Variants in CERS6 observed in about 807,000 individuals in gnomAD.
CERS6 encodes the protein LAG1 homolog, ceramide synthase 6.
A neutral mutation model predicts 56.8 loss-of-function variants in CERS6; 26 were observed. The observed-to-expected ratio is 0.46, with a 90% CI of 0.34 to 0.63. The LOEUF (loss-of-function observed/expected upper bound fraction) is 0.63. CERS6 is among the 30% of genes least tolerant of loss of function. The probability of loss-of-function intolerance (pLI) is 0.01; values close to 1 mark genes in which losing one functional copy is unlikely to be tolerated. For synonymous variants in CERS6, 164 were observed against 173.3 expected (o/e 0.95, Z 0.42); for missense variants, 415 against 467.5 (o/e 0.89, Z 1.04).
At chr2:168,669,135 T>A (rs1390950178) in intron 4 of CERS6, among the ~76,000 whole-genome samples, 1 of 152,204 alleles carries the variant, frequency 6.6e-6, no homozygotes. Context: ...ATATGATGGT[T>A]CCATTATGTT....
At chr2:168,638,940 G>A (rs145380628) in intron 4 of CERS6, among the ~76,000 whole-genome samples, 2 of 152,046 alleles carry the variant, frequency 1.3e-5, no homozygotes, top group Non-Finnish European at 2.9e-5. Context: ...TTGCTCTTTT[G>A]TAATTATACA....
At chr2:168,737,490 G>A (rs1266707020) in intron 8 of CERS6, among the ~76,000 whole-genome samples, 2 of 152,150 alleles carry the variant, frequency 1.3e-5, no homozygotes, top group Admixed American at 1.3e-4. Flanking sequence ...GGGGTGATGT[G>A]AAATTATAAA....
chr2:168,756,970 G>A (rs1684430871), intron 8 of CERS6, among the ~76,000 whole-genome samples: 1 of 152,124 alleles, frequency 6.6e-6, no homozygotes, highest in African/African-American at 2.4e-5. Flanking sequence ...CAAAACCTAA[G>A]CGCAGTTCCT....
chr2:168,467,327 C>T (rs1693898882), intron 1 of CERS6, among the ~76,000 whole-genome samples: 1 of 152,156 alleles, frequency 6.6e-6, no homozygotes, highest in Non-Finnish European at 1.5e-5. Flanking sequence ...GTGGTTTAAG[C>T]AGTGGCAGTT....
chr2:168,679,008 A>C (rs1686141669), intron 4 of CERS6, among the ~76,000 whole-genome samples: 1 of 152,246 alleles, frequency 6.6e-6, no homozygotes, highest in South Asian at 2.1e-4. Context: ...CATGAAAAAG[A>C]ATGAAATCCT....
At chr2:168,764,514 T>G (rs1684675444) in intron 8 of CERS6, among the ~76,000 whole-genome samples, 1 of 152,180 alleles carries the variant, frequency 6.6e-6, no homozygotes, top group African/African-American at 2.4e-5. Flanking sequence ...ATCAAAATGA[T>G]GTATTTCAAT....
intron 3 of CERS6, among the ~76,000 whole-genome samples, chr2:168,617,430 A>G (rs1010152692): frequency 6.6e-6 from 1 of 152,202 alleles, no homozygotes; most frequent in Non-Finnish European, 1.5e-5. Context: ...GCAAAAGATA[A>G]ATGAAATAAA....
At chr2:168,527,715 GC>G (rs886585181) in intron 1 of CERS6, among the ~76,000 whole-genome samples, 2 of 151,780 alleles carry the variant, frequency 1.3e-5, no homozygotes, top group East Asian at 3.9e-4. Flanking sequence ...TTCCTTGAGG[GC>G]CCCCCCGCCA....
At chr2:168,637,555 G>A (rs1684890202) in intron 4 of CERS6, among the ~76,000 whole-genome samples, 1 of 152,196 alleles carries the variant, frequency 6.6e-6, no homozygotes, top group East Asian at 1.9e-4. Flanking sequence ...ATTACAACTT[G>A]TGATAATGTG....
At chr2:168,659,537 T>A (rs1421241719) in intron 4 of CERS6, among the ~76,000 whole-genome samples, 1 of 152,208 alleles carries the variant, frequency 6.6e-6, no homozygotes, top group East Asian at 1.9e-4. Context: ...TATCATAAGA[T>A]GTAGAAAGAA....
At chr2:168,539,604 C>T (rs1695329385) in intron 1 of CERS6, among the ~76,000 whole-genome samples, 1 of 152,202 alleles carries the variant, frequency 6.6e-6, no homozygotes, top group Non-Finnish European at 1.5e-5. Context: ...CCTGCTCACT[C>T]AGGCACATGC....
chr2:168,714,949 T>A lies in CERS6; in HGVS notation c.610-52T>A, dbSNP rs939180983. On this transcript the variant is annotated intron_variant, in intron 6 of 9. Coordinates refer to ENST00000305747, the MANE Select transcript of CERS6 (RefSeq NM_203463.3). ...CTGGTTCAGTGGCTGAATGGCTAAA[T>A]GGAAATGTGATGTTGCTAAACTCTA... is the stretch of plus-strand genomic sequence containing the variant. 2.6e-6 allele frequency: 4 copies of A among 1,555,610 alleles called. No homozygotes were observed. In the Middle Eastern group the frequency reaches 5.3e-4, roughly 206 times the overall value.
intron 4 of CERS6, among the ~76,000 whole-genome samples, chr2:168,672,115 C>T (rs1186254590): frequency 1.3e-5 from 2 of 152,174 alleles, no homozygotes; most frequent in East Asian, 1.9e-4. Context: ...GCCTGTTTCC[C>T]GTTTAATGGT....
intron 6 of CERS6, among the ~76,000 whole-genome samples, chr2:168,711,286 A>G (rs980802362): frequency 5.9e-5 from 9 of 152,228 alleles, no homozygotes; most frequent in African/African-American, 2.2e-4. Flanking sequence ...TGCTAAATAA[A>G]GAGGGTGCAT....
At chr2:168,596,555 C>CAT (rs766580344) in intron 3 of CERS6, among the ~76,000 whole-genome samples, 4 of 114,836 alleles carry the variant, frequency 3.5e-5, no homozygotes, top group African/African-American at 1.6e-4. Flanking sequence ...ATCCCCCCCC[C>CAT]TTTTTTTTTT....
chr2:168,724,200 A>G (rs950645023), intron 8 of CERS6, among the ~76,000 whole-genome samples: 3 of 147,672 alleles, frequency 2.0e-5, no homozygotes, highest in Middle Eastern at 3.5e-3. Context: ...AGACCTTCGC[A>G]GTGAGTGTTA....
In CERS6 at chr2:168,610,859, G is replaced by A. The variant is rs1282437735; in HGVS notation, c.408-20126G>A. 4.6e-5 allele frequency among the ~76,000 whole-genome samples: 7 copies of A among 152,154 alleles called. No homozygotes were observed. The South Asian group carries it at 1.2e-3, about 27-fold the overall frequency. On this transcript the variant is annotated intron_variant, in intron 3 of 9. Coordinates refer to ENST00000305747, the MANE Select transcript of CERS6 (RefSeq NM_203463.3). ...GTCTTGCCCTGCCGCCTAGGCTGGA[G>A]TGCAGTGGTGCAATCTCGGCTCACT...
chr2:168,538,743 C>T (rs1006583515), intron 1 of CERS6, among the ~76,000 whole-genome samples: 2 of 152,198 alleles, frequency 1.3e-5, no homozygotes, highest in Admixed American at 6.5e-5. Flanking sequence ...CTCACTGAGT[C>T]ATTTTGTAGT....
intron 1 of CERS6, among the ~76,000 whole-genome samples, chr2:168,514,236 C>A (rs1462572971): frequency 6.6e-6 from 1 of 152,162 alleles, no homozygotes; most frequent in East Asian, 1.9e-4. Flanking sequence ...TTAAAAATTT[C>A]CCAAAGAAGT....
Sources: gnomAD v4.1 joint callset for allele counts (sites outside exome capture counted in the v4.1 genomes callset) on GRCh38, gnomAD v4.1.1 for gene constraint, MANE v1.5 for transcripts, NCBI Gene and HGNC (gene_info 2026-07-23, HGNC 2026-07-21) for gene names.